Variants in ASAP1 observed in about 807,000 individuals in gnomAD.
The protein encoded by ASAP1 is ArfGAP with SH3 domain, ankyrin repeat and PH domain 1, also known as arf-GAP with SH3 domain, ANK repeat and PH domain-containing protein 1.
Under a neutral mutation model 145.2 loss-of-function variants are expected in ASAP1, and 43 were observed. That is an observed-to-expected ratio of 0.30 (90% CI 0.23 to 0.38). The LOEUF (loss-of-function observed/expected upper bound fraction) is 0.38, where lower values mean the gene tolerates loss of function less well. ASAP1 is among the 10% of genes least tolerant of loss of function. The pLI, the probability that ASAP1 is intolerant of heterozygous loss-of-function variation, is 1.00. For synonymous variants in ASAP1, 546 were observed against 515.5 expected (o/e 1.06, Z -0.80); for missense variants, 1,018 against 1,355.3 (o/e 0.75, Z 3.91).
chr8:130,084,954 A>G (rs1490884586), intron 25 of ASAP1, among the ~76,000 whole-genome samples: 2 of 152,182 alleles, frequency 1.3e-5, no homozygotes, highest in Non-Finnish European at 2.9e-5. Context: ...ATATTAAATA[A>G]AAGTACAATT....
intron 3 of ASAP1, among the ~76,000 whole-genome samples, chr8:130,322,008 G>A (rs1204780754): frequency 6.6e-6 from 1 of 152,198 alleles, no homozygotes; most frequent in Admixed American, 6.5e-5. Context: ...TGCAAAATAT[G>A]CATTGCAAAG....
intron 4 of ASAP1, among the ~76,000 whole-genome samples, chr8:130,233,522 C>A (rs369391571): frequency 6.6e-6 from 1 of 152,180 alleles, no homozygotes; most frequent in African/African-American, 2.4e-5. Context: ...AACAATGGTA[C>A]TTACCTTATT....
intron 1 of ASAP1, among the ~76,000 whole-genome samples, chr8:130,434,806 T>TTCTAGGGGAAAGGATATCACATGA (rs1294940391): frequency 2.0e-5 from 3 of 152,076 alleles, no homozygotes; most frequent in Non-Finnish European, 2.9e-5. Flanking sequence ...CTGAGGGAAC[T>TTCTAGGGGAAAGGATATCACATGA]TCTAGGGGAA....
intron 3 of ASAP1, among the ~76,000 whole-genome samples, chr8:130,256,883 C>G (rs771062244): frequency 1.3e-5 from 2 of 148,516 alleles, no homozygotes; most frequent in Non-Finnish European, 3.0e-5. Context: ...TTTAATATAC[C>G]GCTGGGAGTA....
intron 15 of ASAP1, among the ~76,000 whole-genome samples, chr8:130,130,575 T>C (rs995447799): frequency 6.6e-6 from 1 of 152,222 alleles, no homozygotes; most frequent in African/African-American, 2.4e-5. Flanking sequence ...CTCAAAAGCA[T>C]AAAGAATGCA....
chr8:130,069,690 G>A (rs915975378), intron 27 of ASAP1: 1 of 152,180 alleles, frequency 6.6e-6, no homozygotes, highest in Admixed American at 6.5e-5. Flanking sequence ...AAGCTTGGGT[G>A]GACCAAACCC....
At chr8:130,405,567 C>T (rs978682387) in intron 1 of ASAP1, among the ~76,000 whole-genome samples, 1 of 152,210 alleles carries the variant, frequency 6.6e-6, no homozygotes, top group African/African-American at 2.4e-5. Flanking sequence ...AGAGCTTCAC[C>T]CTTGTCAGCG....
chr8:130,078,005 T>C (rs190861902), intron 26 of ASAP1, among the ~76,000 whole-genome samples: 194 of 152,082 alleles, frequency 1.3e-3, no homozygotes, highest in African/African-American at 4.5e-3. Flanking sequence ...TTTTTTTTTT[T>C]TTTTGAGACG....
chr8:130,184,792 T>C (rs1024658211), intron 7 of ASAP1, among the ~76,000 whole-genome samples: 1 of 152,254 alleles, frequency 6.6e-6, no homozygotes, highest in Non-Finnish European at 1.5e-5. Context: ...AAACTATTTA[T>C]TGTGTGACTT....
intron 27 of ASAP1, among the ~76,000 whole-genome samples, chr8:130,072,824 T>TGTGTGTGTGTGTGCGCGTGTGCGTGA: frequency 3.1e-5 from 1 of 32,282 alleles, no homozygotes; most frequent in African/African-American, 1.2e-4. Flanking sequence ...TGTGTGTGTG[T>TGTGTGTGTGTGTGCGCGTGTGCGTGA]GCGCGCGGGG....
At chr8:130,409,646 C>T (rs922261498) in intron 1 of ASAP1, among the ~76,000 whole-genome samples, 4 of 152,212 alleles carry the variant, frequency 2.6e-5, no homozygotes, top group African/African-American at 7.2e-5. Context: ...GGTATTCTCC[C>T]TGACAATGCC....
At chr8:130,169,600 C>T (rs1813439427) in intron 9 of ASAP1, among the ~76,000 whole-genome samples, 1 of 152,154 alleles carries the variant, frequency 6.6e-6, no homozygotes, top group African/African-American at 2.4e-5. Flanking sequence ...GCAATAATAC[C>T]AACGGGTTTG....
intron 5 of ASAP1, among the ~76,000 whole-genome samples, chr8:130,212,072 A>T (rs989988107): frequency 6.6e-6 from 1 of 152,178 alleles, no homozygotes. Flanking sequence ...TGGCCCTATC[A>T]ATCTGTCTAG....
intron 3 of ASAP1, among the ~76,000 whole-genome samples, chr8:130,261,846 G>C (rs1161300952): frequency 6.6e-6 from 1 of 151,966 alleles, no homozygotes; most frequent in East Asian, 1.9e-4. Flanking sequence ...CCCTATGTTA[G>C]TTTTTGTTCT....
intron 3 of ASAP1, among the ~76,000 whole-genome samples, chr8:130,247,416 G>C (rs894584506): frequency 6.6e-6 from 1 of 151,974 alleles, no homozygotes; most frequent in African/African-American, 2.4e-5. Flanking sequence ...GCTAATAAGA[G>C]AGCCAGGATT....
chr8:130,088,935 G>A (rs2097499766), intron 25 of ASAP1, among the ~76,000 whole-genome samples: 1 of 152,204 alleles, frequency 6.6e-6, no homozygotes, highest in African/African-American at 2.4e-5. Flanking sequence ...GATACTTGCT[G>A]AAAATCACAA....
At chr8:130,172,160 A>G (rs1161029684) in intron 9 of ASAP1, among the ~76,000 whole-genome samples, 1 of 152,234 alleles carries the variant, frequency 6.6e-6, no homozygotes, top group Non-Finnish European at 1.5e-5. Flanking sequence ...TGGGGCAGTT[A>G]GCATGTGCTC....
chr8:130,358,325 A>AGGCGGC lies in ASAP1; in HGVS notation c.60-188_60-183dup, dbSNP rs1023924886. The stretch of plus-strand genomic sequence containing the variant: ...GGGAGGGAAGGAGGCGGGCGAAGGC[A>AGGCGGC]GGCGGCGGCGGCGCTGGCGGGGCTC... On this transcript the variant is annotated intron_variant, in intron 2 of 29. Coordinates refer to ENST00000518721, the MANE Select transcript of ASAP1 (RefSeq NM_018482.4). This position sits in a 1 kb window ranked among gnomAD's most constrained non-coding sequence, Gnocchi z 4.1. 2.0e-5 allele frequency among the ~76,000 whole-genome samples: 3 copies of AGGCGGC among 148,810 alleles called. No individual in the cohort carries two copies. Among genetic ancestry groups the AGGCGGC allele is most frequent in the Non-Finnish European group, 3.0e-5 (2 of 66,750 alleles).
chr8:130,126,340 T>C (rs889112193), intron 16 of ASAP1, among the ~76,000 whole-genome samples: 4 of 152,192 alleles, frequency 2.6e-5, no homozygotes, highest in Non-Finnish European at 4.4e-5. Flanking sequence ...AGAGACCCTA[T>C]GCAACACCTC....
Sources: allele counts gnomAD v4.1 joint callset (sites outside exome capture counted in the v4.1 genomes callset), GRCh38; gene constraint gnomAD v4.1.1; non-coding constraint Gnocchi (gnomAD v3.1); transcripts MANE v1.5; gene names NCBI Gene and HGNC (gene_info 2026-07-23, HGNC 2026-07-21).